The following DMRTA2 variants were observed in gnomAD, a reference collection of about 807,000 sequenced individuals.
The protein encoded by DMRTA2 is doublesex- and mab-3-related transcription factor A2.
Under a neutral mutation model 29.7 loss-of-function variants are expected in DMRTA2, and 10 were observed. The observed-to-expected ratio is 0.34, with a 90% confidence interval of 0.21 to 0.57. The LOEUF (loss-of-function observed/expected upper bound fraction) is 0.57, where lower values mean the gene tolerates loss of function less well. Among genes scored for constraint, DMRTA2 ranks in the 20% least tolerant of loss-of-function variants. The probability of loss-of-function intolerance (pLI) is 0.87; values close to 1 mark genes in which losing one functional copy is unlikely to be tolerated. For missense variants in DMRTA2, 783 were observed against 812.1 expected (o/e 0.96, Z 0.44); for synonymous variants, 469 against 402.6 (o/e 1.16, Z -1.97).
rs1210422398 is a variant in DMRTA2 at position 50,420,233 on chromosome 1, G to C, written c.560-499C>G. On this transcript the variant is annotated intron_variant, in intron 2 of 2. Transcript: ENST00000404795. This position sits in a 1 kb window ranked among gnomAD's most constrained non-coding sequence, Gnocchi z 4.1. ...CTCTACAGGCAGAAGTACAGCCCCTGTTTCTAATCCACCCTTTCCAAAATT... is the reference window on the plus strand; with the variant it reads ...CTCTACAGGCAGAAGTACAGCCCCTCTTTCTAATCCACCCTTTCCAAAATT... Among the ~76,000 whole-genome samples, 1 of 152,126 alleles carries C rather than the reference G, an allele frequency of 6.6e-6. No homozygotes were observed. Among genetic ancestry groups the C allele is most frequent in the Non-Finnish European group, 1.5e-5 (1 of 68,026 alleles).
Position 50,421,701 on chromosome 1 carries a change from G to C in DMRTA2, c.-8-157C>G. 4 of 851,574 alleles carry C rather than the reference G, an allele frequency of 4.7e-6. No individual in the cohort carries two copies. The highest frequency in any genetic ancestry group is 4.6e-6 in the Non-Finnish European group (3 of 650,900). The allele number at this position is 851,574 out of a possible 1,614,324, so 52.8% of individuals were successfully genotyped here. A position where few individuals can be genotyped will look rare whatever the true frequency, so the allele number is the denominator to read the frequency against. On this transcript the variant is annotated intron_variant, in intron 1 of 2. Transcript: ENST00000404795. This position sits in a 1 kb window ranked among gnomAD's most constrained non-coding sequence, Gnocchi z 8.7. ...AGAATTGCTGGGAGGAGGTGCAGTC[G>C]GAACCTCCTTGTGAGCCCTAGCACC...
rs1557940235 is a variant in DMRTA2 at position 50,420,445 on chromosome 1, GT to G, written c.559+532del. Among the ~76,000 whole-genome samples, 1 of 152,176 alleles carries G rather than the reference GT, an allele frequency of 6.6e-6. No homozygotes were observed. The highest frequency in any genetic ancestry group is 1.5e-5 in the Non-Finnish European group (1 of 68,040). Reference sequence around the variant, plus strand: ...AAGCAGACCTGAGAAACCAGGGAGGGTGCGGAAGAAACTAGAAGGAGGGAGG... The same window carrying G: ...AAGCAGACCTGAGAAACCAGGGAGGGGCGGAAGAAACTAGAAGGAGGGAGG... On this transcript the variant is annotated intron_variant, in intron 2 of 2. Coordinates refer to ENST00000404795, the MANE Select transcript of DMRTA2 (RefSeq NM_032110.3). The surrounding 1 kb of genome is among the most constrained non-coding windows in gnomAD (Gnocchi z 4.1).
chr1:50,419,096 GC>G lies in DMRTA2; in HGVS notation c.1197del (p.Pro400LeufsTer33). On this transcript the variant is annotated frameshift_variant, in exon 3 of 3. Transcript: ENST00000404795. LOFTEE classifies it high-confidence loss of function. This position sits in a 1 kb window ranked among gnomAD's most constrained non-coding sequence, Gnocchi z 6.1. ...GCCTGCAGCGGCGCAGGCAGCCCAG[GC>G]CCCCCGGCGGCGGCGGCGGCGGCGG... ...AAAAAAAAAG[G>X]PGLPAPLQAG... The G allele has an allele frequency of 7.5e-6, 9 of 1,207,958 alleles. No homozygotes were observed. The highest frequency in any genetic ancestry group is 4.0e-5 in the South Asian group (1 of 24,828). The allele number at this position is 1,207,958 out of a possible 1,614,324, so 74.8% of individuals were successfully genotyped here. A position where few individuals can be genotyped will look rare whatever the true frequency, so the allele number is the denominator to read the frequency against.
Position 50,421,572 on chromosome 1 carries a change from A to G in DMRTA2, c.-8-28T>C. 1 of 1,238,092 alleles carries G rather than the reference A, an allele frequency of 8.1e-7. No homozygotes were observed. The highest frequency in any genetic ancestry group is 1.0e-6 in the Non-Finnish European group (1 of 993,488). The allele number at this position is 1,238,092 out of a possible 1,614,324, so 76.7% of individuals were successfully genotyped here. Reference sequence around the variant, plus strand: ...GACGGGAAAGAAGGTGGGAGAGGGGAGAGACCTGGTGAGGAGCACACCGCG... The same window carrying G: ...GACGGGAAAGAAGGTGGGAGAGGGGGGAGACCTGGTGAGGAGCACACCGCG... On this transcript the variant is annotated intron_variant, in intron 1 of 2. Transcript: ENST00000404795. The surrounding 1 kb of genome is among the most constrained non-coding windows in gnomAD (Gnocchi z 8.7).
Position 50,420,927 on chromosome 1 carries a change from C to G in DMRTA2, c.559+51G>C. On this transcript the variant is annotated intron_variant, in intron 2 of 2. Transcript: ENST00000404795. This position sits in a 1 kb window ranked among gnomAD's most constrained non-coding sequence, Gnocchi z 4.1. ...CGAGACAAGCCCCTGGGCCCCGTGC[C>G]CCAGAGCTACGATCCTGCTGCCCCT... 3 of 1,399,606 alleles carry G rather than the reference C, an allele frequency of 2.1e-6. No homozygotes were observed. The highest frequency in any genetic ancestry group is 2.8e-6 in the Non-Finnish European group (3 of 1,086,248). The allele number at this position is 1,399,606 out of a possible 1,614,324, so 86.7% of individuals were successfully genotyped here.
In DMRTA2 at chr1:50,418,944, G is replaced by A; in HGVS notation, c.1350C>T (p.Ala450=). 2 of 1,443,370 alleles carry A rather than the reference G, an allele frequency of 1.4e-6. No individual in the cohort carries two copies. Among genetic ancestry groups the A allele is most frequent in the Non-Finnish European group, 9.1e-7 (1 of 1,103,880 alleles). The allele number at this position is 1,443,370 out of a possible 1,614,324, so 89.4% of individuals were successfully genotyped here. A position where few individuals can be genotyped will look rare whatever the true frequency, so the allele number is the denominator to read the frequency against. Residue 450 remains alanine, a synonymous_variant, in exon 3 of 3, where the codon GCC becomes GCT. Coordinates refer to ENST00000404795, the MANE Select transcript of DMRTA2 (RefSeq NM_032110.3). ...CGCCCAGCGGGTAGGCGCCCGCGTC[G>A]GCACCGAAGTGACTGGCGTTGGGCT... The part of the protein sequence containing the change: ...PLQPNASHFG[A]DAGAYPLGAP...
chr1:50,421,038 C>G lies in DMRTA2; in HGVS notation c.499G>C (p.Gly167Arg), dbSNP rs761947111. The G allele has an allele frequency of 1.9e-5, 28 of 1,511,878 alleles. No homozygotes were observed. Among genetic ancestry groups the G allele is most frequent in the Admixed American group, 1.4e-4 (7 of 48,966 alleles). 93.7% of individuals were successfully genotyped at this position (1,511,878 alleles called of 1,614,324 possible). A position where few individuals can be genotyped will look rare whatever the true frequency, so the allele number is the denominator to read the frequency against. The part of the protein sequence containing the change: ...FGSVCAADGG[G>R]PGAGAPAGTG... ...CCCGCGGGCGCTCCCGCTCCAGGTC[C>G]CCCGCCGTCGGCGGCGCACACTGAA... Residue 167 changes from glycine to arginine, a missense_variant, in exon 2 of 3, where the codon GGA becomes CGA. By Grantham distance (125) the Gly-to-Arg change is moderately radical. This residue lies in a region of DMRTA2 where 667 missense variants were observed against 624.8 expected (regional missense o/e 1.07). Coordinates refer to ENST00000404795, the MANE Select transcript of DMRTA2 (RefSeq NM_032110.3). This position sits in a 1 kb window ranked among gnomAD's most constrained non-coding sequence, Gnocchi z 8.7.
In DMRTA2 at chr1:50,419,152, T is replaced by G; in HGVS notation, c.1142A>C (p.Asp381Ala). The G allele has an allele frequency of 9.1e-7, 1 of 1,093,122 alleles. No homozygotes were observed. The highest frequency in any genetic ancestry group is 1.1e-6 in the Non-Finnish European group (1 of 903,650). The allele number at this position is 1,093,122 out of a possible 1,614,324, so 67.7% of individuals were successfully genotyped here. The part of the protein sequence containing the change: ...AAVGAAAAAD[D>A]AWPSRVDAAA... ...GGCGTCGACGCGGCTGGGCCACGCG[T>G]CGTCTGCAGCTGCTGCAGCACCCAC... Residue 381 changes from aspartate (D) to alanine (A), a missense_variant, in exon 3 of 3, where the codon GAC becomes GCC. By Grantham distance (126) the Asp-to-Ala change is moderately radical. Around this residue, in one of 3 missense-constraint regions of DMRTA2, gnomAD observed 667 missense variants for 624.8 expected, o/e 1.07. Transcript: ENST00000404795. This position sits in a 1 kb window ranked among gnomAD's most constrained non-coding sequence, Gnocchi z 6.1.
At position 50,421,806 on chromosome 1, in the gene DMRTA2, G is replaced by T. The variant is rs1034776466; in HGVS notation, c.-8-262C>A. On this transcript the variant is annotated intron_variant, in intron 1 of 2. Transcript: ENST00000404795. This position sits in a 1 kb window ranked among gnomAD's most constrained non-coding sequence, Gnocchi z 8.7. Reference sequence around the variant, plus strand: ...AGATTTTGTCTGAATTAGTGATTCCGCTGGAAAAAATAAAGAGACATGTAA... The same window carrying T: ...AGATTTTGTCTGAATTAGTGATTCCTCTGGAAAAAATAAAGAGACATGTAA... 3.3e-5 allele frequency among the ~76,000 whole-genome samples: 5 copies of T among 152,174 alleles called. No homozygotes were observed. Among genetic ancestry groups the T allele is most frequent in the Non-Finnish European group, 7.3e-5 (5 of 68,038 alleles).
rs1224129548 is a variant in DMRTA2, at chr1:50,420,416, A to G, written c.559+562T>C. Among the ~76,000 whole-genome samples, 1 of 152,184 alleles carries G rather than the reference A, an allele frequency of 6.6e-6. No homozygotes were observed. ...GTAGGAAGCGAAGAGGAAAAGACAT[A>G]GGAAAGCAGACCTGAGAAACCAGGG... is the stretch of plus-strand genomic sequence containing the variant. On this transcript the variant is annotated intron_variant, in intron 2 of 2. Coordinates refer to ENST00000404795, the MANE Select transcript of DMRTA2 (RefSeq NM_032110.3). The surrounding 1 kb of genome is among the most constrained non-coding windows in gnomAD (Gnocchi z 4.1).
In DMRTA2 at chr1:50,422,051, G is replaced by A. The variant is rs1163647762; in HGVS notation, c.-8-507C>T. On this transcript the variant is annotated intron_variant, in intron 1 of 2. Coordinates refer to ENST00000404795, the MANE Select transcript of DMRTA2 (RefSeq NM_032110.3). The surrounding 1 kb of genome is among the most constrained non-coding windows in gnomAD (Gnocchi z 5.7). The stretch of plus-strand genomic sequence containing the variant: ...GTCAGTTTGGTGGAAGGGTGAAGAG[G>A]AGAGAGATGTGAAGGCGCAGATGTG... 6.6e-6 allele frequency among the ~76,000 whole-genome samples: 1 copy of A among 152,230 alleles called. No homozygotes were observed. Among genetic ancestry groups the A allele is most frequent in the East Asian group, 1.9e-4 (1 of 5,194 alleles).
chr1:50,420,179 G>T lies in DMRTA2; in HGVS notation c.560-445C>A, dbSNP rs1646025481. Among the ~76,000 whole-genome samples, 1 of 152,156 alleles carries T rather than the reference G, an allele frequency of 6.6e-6. No homozygotes were observed. Among genetic ancestry groups the T allele is most frequent in the Non-Finnish European group, 1.5e-5 (1 of 68,032 alleles). ...GGCAGTGCAGCCTGTAAGGAAAGGC[G>T]CCTTGGTTATCTAGGAGGTCCCAAG... On this transcript the variant is annotated intron_variant, in intron 2 of 2. Coordinates refer to ENST00000404795, the MANE Select transcript of DMRTA2 (RefSeq NM_032110.3). This position sits in a 1 kb window ranked among gnomAD's most constrained non-coding sequence, Gnocchi z 4.1.
In DMRTA2 at chr1:50,422,755, T is replaced by C. The variant is rs1454815818; in HGVS notation, c.-9+361A>G. 1.3e-5 allele frequency among the ~76,000 whole-genome samples: 2 copies of C among 151,964 alleles called. No homozygotes were observed. Among genetic ancestry groups the C allele is most frequent in the Non-Finnish European group, 2.9e-5 (2 of 67,980 alleles). ...AGGCTCCTGCGTTCTGATCTCAGAG[T>C]TGGGGTCCTAGGACACGGATGGCCC... On this transcript the variant is annotated intron_variant, in intron 1 of 2. Transcript: ENST00000404795. The surrounding 1 kb of genome is among the most constrained non-coding windows in gnomAD (Gnocchi z 5.7).
rs1439783334 is a variant in DMRTA2, at chr1:50,418,329, G to T, written c.*336C>A. ...GCCGGATGAGCACAGCTAAGGAGCC[G>T]CAGGAGCCTGCGCTGCTGTCGCAGC... On this transcript the variant is annotated 3_prime_UTR_variant, in exon 3 of 3. Coordinates refer to ENST00000404795, the MANE Select transcript of DMRTA2 (RefSeq NM_032110.3). The T allele has an allele frequency of 4.5e-6, 1 of 224,308 alleles. No individual in the cohort carries two copies. The allele number at this position is 224,308 out of a possible 1,614,324, so 13.9% of individuals were successfully genotyped here.
rs1490616854 is a variant in DMRTA2 at position 50,419,716 on chromosome 1, A to G, written c.578T>C (p.Phe193Ser). ...CAGCAGCGTCTTAGGAAACAGGTCAAACTTCTGCAACTTGGCCTCTGGGAG... is the reference window on the plus strand; with the variant it reads ...CAGCAGCGTCTTAGGAAACAGGTCAGACTTCTGCAACTTGGCCTCTGGGAG... ...AGGSEAKLQK[F>S]DLFPKTLLQA... Residue 193 changes from phenylalanine to serine, a missense_variant, in exon 3 of 3, where the codon TTT becomes TCT. Phe to Ser is a radical substitution (Grantham distance 155). Coordinates refer to ENST00000404795, the MANE Select transcript of DMRTA2 (RefSeq NM_032110.3). The surrounding 1 kb of genome is among the most constrained non-coding windows in gnomAD (Gnocchi z 6.1). 6.1e-6 allele frequency: 9 copies of G among 1,478,120 alleles called. No homozygotes were observed. The highest frequency in any genetic ancestry group is 1.8e-4 in the Middle Eastern group (1 of 5,574). The allele number at this position is 1,478,120 out of a possible 1,614,324, so 91.6% of individuals were successfully genotyped here. A position where few individuals can be genotyped will look rare whatever the true frequency, so the allele number is the denominator to read the frequency against.
At position 50,419,683 on chromosome 1, in the gene DMRTA2, C is replaced by G. The variant is rs775445582; in HGVS notation, c.611G>C (p.Gly204Ala). Residue 204 changes from glycine to alanine, a missense_variant, in exon 3 of 3, where the codon GGC becomes GCC. Coordinates refer to ENST00000404795, the MANE Select transcript of DMRTA2 (RefSeq NM_032110.3). This position sits in a 1 kb window ranked among gnomAD's most constrained non-coding sequence, Gnocchi z 6.1. Reference protein sequence around the residue: ...DLFPKTLLQAGRPGSPLPPPV... With the variant: ...DLFPKTLLQAARPGSPLPPPV... Reference sequence around the variant, plus strand: ...CGGCGGCAGCGGGCTGCCCGGGCGGCCTGCCTGCAGCAGCGTCTTAGGAAA... The same window carrying G: ...CGGCGGCAGCGGGCTGCCCGGGCGGGCTGCCTGCAGCAGCGTCTTAGGAAA... The G allele has an allele frequency of 6.7e-7, 1 of 1,499,954 alleles. No homozygotes were observed. The highest frequency in any genetic ancestry group is 8.9e-7 in the Non-Finnish European group (1 of 1,128,916). The allele number at this position is 1,499,954 out of a possible 1,614,324, so 92.9% of individuals were successfully genotyped here. A position where few individuals can be genotyped will look rare whatever the true frequency, so the allele number is the denominator to read the frequency against.
chr1:50,423,362 G>C lies in DMRTA2; in HGVS notation c.-255C>G, dbSNP rs573280280. 71 of 152,316 alleles carry C rather than the reference G, an allele frequency of 4.7e-4. No individual in the cohort carries two copies. The highest frequency in any genetic ancestry group is 1.6e-3 in the African/African-American group (67 of 41,572). The allele number at this position is 152,316 out of a possible 1,614,324, so 9.4% of individuals were successfully genotyped here. A position where few individuals can be genotyped will look rare whatever the true frequency, so the allele number is the denominator to read the frequency against. On this transcript the variant is annotated 5_prime_UTR_variant, in exon 1 of 3. Coordinates refer to ENST00000404795, the MANE Select transcript of DMRTA2 (RefSeq NM_032110.3). ...GGTTGGAACCCGCGACCTGACTCTCGCCGTGCCGGGTCCCCTCGCGGTGCG... is the reference window on the plus strand; with the variant it reads ...GGTTGGAACCCGCGACCTGACTCTCCCCGTGCCGGGTCCCCTCGCGGTGCG...
chr1:50,420,971 C>G lies in DMRTA2; in HGVS notation c.559+7G>C. On this transcript the variant is annotated splice_region_variant and intron_variant, in intron 2 of 2. Transcript: ENST00000404795. The surrounding 1 kb of genome is among the most constrained non-coding windows in gnomAD (Gnocchi z 4.1). ...TGCCCCTACCTGCGGCCTGGCCGCG[C>G]TCTCACCTGAGCCCCCTGCGCCAGC... The G allele has an allele frequency of 6.8e-7, 1 of 1,469,004 alleles. No homozygotes were observed. Among genetic ancestry groups the G allele is most frequent in the Non-Finnish European group, 8.9e-7 (1 of 1,119,660 alleles). 91.0% of individuals were successfully genotyped at this position (1,469,004 alleles called of 1,614,324 possible).
In DMRTA2 at chr1:50,420,549, CGTCTCAAAACCTAGGGT is replaced by C. The variant is rs1293500145; in HGVS notation, c.559+412_559+428del. Among the ~76,000 whole-genome samples the C allele has an allele frequency of 6.8e-4, 100 of 148,050 alleles. 1 individual carries two copies. Among genetic ancestry groups the C allele is most frequent in the African/African-American group, 2.6e-3 (100 of 38,130 alleles). ...AACTAGGGCGTCTCAGAACCTAGGGCGTCTCAAAACCTAGGGTGTCAGTTAAAGGGGGGGGGATTCCT... is the reference window on the plus strand; with the variant it reads ...AACTAGGGCGTCTCAGAACCTAGGGCGTCAGTTAAAGGGGGGGGGATTCCT... On this transcript the variant is annotated intron_variant, in intron 2 of 2. Transcript: ENST00000404795. The surrounding 1 kb of genome is among the most constrained non-coding windows in gnomAD (Gnocchi z 4.1).
Sources: gnomAD v4.1 joint callset for allele counts (sites outside exome capture counted in the v4.1 genomes callset) on GRCh38, gnomAD v4.1.1 for gene constraint, gnomAD v4.1.1 regional missense constraint, Gnocchi (gnomAD v3.1) non-coding constraint, MANE v1.5 for transcripts, NCBI Gene and HGNC (gene_info 2026-07-23, HGNC 2026-07-21) for gene names.